Variants in PITPNC1 observed in about 807,000 individuals in gnomAD.
PITPNC1 encodes cytoplasmic phosphatidylinositol transfer protein 1.
A neutral mutation model predicts 44.7 loss-of-function variants in PITPNC1; 18 were observed. That is an observed-to-expected ratio of 0.40 (90% CI 0.28 to 0.60). The LOEUF (loss-of-function observed/expected upper bound fraction) is 0.60, where lower values mean the gene tolerates loss of function less well. Ranked by LOEUF, PITPNC1 falls within the 20% of genes least tolerant of loss-of-function variation. The pLI is 0.39. For synonymous variants in PITPNC1, 141 were observed against 149.6 expected, an observed-to-expected ratio of 0.94 and a Z score of 0.42; for missense variants, 290 against 418.4, an observed-to-expected ratio of 0.69 and a Z score of 2.68.
At chr17:67,460,904 GC>G (rs2039328470) in intron 1 of PITPNC1, among the ~76,000 whole-genome samples, 1 of 151,024 alleles carries the variant, frequency 6.6e-6, no homozygotes, top group African/African-American at 2.4e-5. Context: ...ACCATGCCTG[GC>G]TAATTTTTAT....
At chr17:67,484,978 T>C (rs1464580230) in intron 1 of PITPNC1, among the ~76,000 whole-genome samples, 1 of 152,160 alleles carries the variant, frequency 6.6e-6, no homozygotes, top group Non-Finnish European at 1.5e-5. Flanking sequence ...TATTGGTTTA[T>C]TTTGACTCTT....
At chr17:67,509,306 G>A (rs1304016912) in intron 1 of PITPNC1, among the ~76,000 whole-genome samples, 1 of 151,674 alleles carries the variant, frequency 6.6e-6, no homozygotes, top group African/African-American at 2.4e-5. Flanking sequence ...GGCCAAGGCG[G>A]GCGGATCACG....
chr17:67,678,562 T>C (rs1478133753), intron 8 of PITPNC1, among the ~76,000 whole-genome samples: 1 of 152,244 alleles, frequency 6.6e-6, no homozygotes, highest in Non-Finnish European at 1.5e-5. Context: ...GTTAATTTCA[T>C]GTAAGCTTCT....
chr17:67,510,100 C>T (rs964972870), intron 1 of PITPNC1, among the ~76,000 whole-genome samples: 4 of 152,180 alleles, frequency 2.6e-5, no homozygotes, highest in Non-Finnish European at 4.4e-5. Flanking sequence ...AGTGCTGAAA[C>T]ACTTGAAGCT....
At chr17:67,537,150 T>C (rs895975792) in intron 2 of PITPNC1, among the ~76,000 whole-genome samples, 1 of 152,208 alleles carries the variant, frequency 6.6e-6, no homozygotes, top group African/African-American at 2.4e-5. Context: ...TGTGTACTTA[T>C]TCAGAGTAAA....
chr17:67,580,469 C>T (rs1009977330), intron 5 of PITPNC1, among the ~76,000 whole-genome samples: 1 of 152,110 alleles, frequency 6.6e-6, no homozygotes, highest in Non-Finnish European at 1.5e-5. Context: ...CCTCAGCCCC[C>T]CTACTGGGAC....
chr17:67,565,244 C>G (rs1226486203), intron 4 of PITPNC1, among the ~76,000 whole-genome samples: 10 of 149,464 alleles, frequency 6.7e-5, no homozygotes, highest in Admixed American at 6.0e-4. Flanking sequence ...TACTAATTTT[C>G]CATGGTTTTC....
At chr17:67,599,462 A>G (rs1367597791) in intron 5 of PITPNC1, among the ~76,000 whole-genome samples, 1 of 152,144 alleles carries the variant, frequency 6.6e-6, no homozygotes, top group Non-Finnish European at 1.5e-5. Flanking sequence ...CTGGGGGAAT[A>G]TTGACGTTTA....
intron 4 of PITPNC1, among the ~76,000 whole-genome samples, chr17:67,564,333 C>A (rs1243524065): frequency 6.6e-6 from 1 of 152,266 alleles, no homozygotes; most frequent in East Asian, 1.9e-4. Flanking sequence ...AGGCTTAGAA[C>A]CAGGGGAGCC....
rs1445608638 is a variant in PITPNC1 at position 67,433,186 on chromosome 17, T to C, written c.48+54984T>C. ...GTTCTCCCTCTTCTGCTTTCTATAG[T>C]TTTCCTGTCTCCTGGCAGTCAGTGC... On this transcript the variant is annotated intron_variant, in intron 1 of 8. Transcript: ENST00000581322. Among the ~76,000 whole-genome samples, 3 of 152,170 alleles carry C rather than the reference T, an allele frequency of 2.0e-5. No homozygotes were observed. In the East Asian group the frequency reaches 5.8e-4, roughly 29 times the overall value.
chr17:67,431,949 C>T (rs890202279), intron 1 of PITPNC1, among the ~76,000 whole-genome samples: 27 of 152,290 alleles, frequency 1.8e-4, no homozygotes, highest in African/African-American at 4.1e-4. Flanking sequence ...TCACCCAGCA[C>T]GGACCACAGC....
intron 5 of PITPNC1, among the ~76,000 whole-genome samples, chr17:67,579,614 ATTTTTTTTTTTTTT>A (rs558310588): frequency 9.0e-5 from 8 of 88,806 alleles, no homozygotes; most frequent in African/African-American, 2.4e-4. Context: ...TAAAATAGTG[ATTTTTTTTTTTTTT>A]TTTTTTTTTT....
intron 1 of PITPNC1, among the ~76,000 whole-genome samples, chr17:67,517,477 C>A (rs888073142): frequency 6.6e-6 from 1 of 152,174 alleles, no homozygotes; most frequent in African/African-American, 2.4e-5. Context: ...CTCATAGCAG[C>A]ATTATTCATA....
chr17:67,385,901 C>T (rs918233621), intron 1 of PITPNC1, among the ~76,000 whole-genome samples: 1 of 152,148 alleles, frequency 6.6e-6, no homozygotes, highest in Admixed American at 6.6e-5. Flanking sequence ...CTGCATTTTC[C>T]CAGTGACTTG....
At chr17:67,454,054 C>CA (rs1567995932) in intron 1 of PITPNC1, among the ~76,000 whole-genome samples, 2 of 152,082 alleles carry the variant, frequency 1.3e-5, no homozygotes, top group African/African-American at 4.8e-5. Context: ...AGTTGGAGAC[C>CA]ACCCTGGCCA....
In PITPNC1 at chr17:67,597,865, G is replaced by A. The variant is rs921269183; in HGVS notation, c.366+19608G>A. Among the ~76,000 whole-genome samples the A allele has an allele frequency of 1.3e-4, 20 of 152,096 alleles. No homozygotes were observed. Among genetic ancestry groups the A allele is most frequent in the Admixed American group, 9.2e-4 (14 of 15,258 alleles). ...AGGGAGAGACTGGTAGAGAACACAG[G>A]AGATTTTTGCAGTAGATCAGATGAT... On this transcript the variant is annotated intron_variant, in intron 5 of 8. Coordinates refer to ENST00000581322, the MANE Select transcript of PITPNC1 (RefSeq NM_012417.4). This position sits in a 1 kb window ranked among gnomAD's most constrained non-coding sequence, Gnocchi z 4.0.
intron 2 of PITPNC1, among the ~76,000 whole-genome samples, chr17:67,538,137 G>C (rs966594204): frequency 6.6e-6 from 1 of 151,858 alleles, no homozygotes; most frequent in Non-Finnish European, 1.5e-5. Flanking sequence ...TAAACTCATG[G>C]AACAAAGTAG....
chr17:67,550,652 C>T (rs1228361409), intron 2 of PITPNC1, among the ~76,000 whole-genome samples: 1 of 151,998 alleles, frequency 6.6e-6, no homozygotes, highest in African/African-American at 2.4e-5. Context: ...TTCCTGGATC[C>T]GATCGACTGC....
chr17:67,424,409 C>G (rs962492586), intron 1 of PITPNC1, among the ~76,000 whole-genome samples: 5 of 152,120 alleles, frequency 3.3e-5, no homozygotes, highest in Non-Finnish European at 4.4e-5. Flanking sequence ...GTAATCCCAG[C>G]ACTTTGGGAT....
Sources: gnomAD v4.1 joint callset for allele counts (sites outside exome capture counted in the v4.1 genomes callset) on GRCh38, gnomAD v4.1.1 for gene constraint, Gnocchi (gnomAD v3.1) non-coding constraint, MANE v1.5 for transcripts, NCBI Gene and HGNC (gene_info 2026-07-23, HGNC 2026-07-21) for gene names.